GRIK4: variants seen among roughly 807,000 people sequenced by gnomAD.
The protein encoded by GRIK4 is glutamate ionotropic receptor kainate type subunit 4, also known as glutamate receptor ionotropic, kainate 4.
A neutral mutation model predicts 104.9 loss-of-function variants in GRIK4; 40 were observed. The observed-to-expected ratio is 0.38, with a 90% confidence interval of 0.30 to 0.50. GRIK4 has a LOEUF of 0.50. GRIK4 is among the 20% of genes least tolerant of loss of function. The probability of loss-of-function intolerance (pLI) is 0.93; values close to 1 mark genes in which losing one functional copy is unlikely to be tolerated. For synonymous variants in GRIK4, 485 were observed against 524.9 expected, an observed-to-expected ratio of 0.92 and a Z score of 1.04; for missense variants, 1,047 against 1,308.1, an observed-to-expected ratio of 0.80 and a Z score of 3.08.
intron 1 of GRIK4, among the ~76,000 whole-genome samples, chr11:120,560,416 A>G (rs1198760210): frequency 6.6e-6 from 1 of 152,156 alleles, no homozygotes; most frequent in Non-Finnish European, 1.5e-5. Context: ...TGCTGGCCAC[A>G]CAGCAGTGCT....
intron 5 of GRIK4, among the ~76,000 whole-genome samples, chr11:120,815,840 G>A (rs1216109859): frequency 6.6e-6 from 1 of 152,204 alleles, no homozygotes; most frequent in Non-Finnish European, 1.5e-5. Flanking sequence ...TCGTGTCCAC[G>A]TGAGCAGCTC....
At chr11:120,544,434 G>A (rs547914800) in intron 1 of GRIK4, among the ~76,000 whole-genome samples, 13 of 152,202 alleles carry the variant, frequency 8.5e-5, no homozygotes, top group African/African-American at 2.6e-4. Context: ...GGGTTCAAGC[G>A]ATTCTCTAGT....
At chr11:120,634,136 G>A (rs7101638) in intron 1 of GRIK4, among the ~76,000 whole-genome samples, 3,783 of 152,270 alleles carry the variant, frequency 0.025, 158 homozygotes, top group African/African-American at 0.08. Context: ...GATTAAGCAC[G>A]ATAATATATG....
intron 13 of GRIK4, among the ~76,000 whole-genome samples, chr11:120,918,427 TCA>T (rs1226225895): frequency 6.6e-6 from 1 of 152,222 alleles, no homozygotes; most frequent in Non-Finnish European, 1.5e-5. Flanking sequence ...TTCATAGAGT[TCA>T]CACAGTTTTT....
At chr11:120,611,727 TC>T (rs1949040785) in intron 1 of GRIK4, among the ~76,000 whole-genome samples, 1 of 152,110 alleles carries the variant, frequency 6.6e-6, no homozygotes, top group African/African-American at 2.4e-5. Context: ...CTTGTCTCTC[TC>T]CCCCATCTGC....
intron 4 of GRIK4, among the ~76,000 whole-genome samples, chr11:120,810,621 TTTA>T (rs1400861634): frequency 1.3e-5 from 2 of 152,170 alleles, no homozygotes; most frequent in East Asian, 1.9e-4. Flanking sequence ...TAAAAACCTT[TTTA>T]TTAATAAAAA....
At chr11:120,806,248 T>C (rs1952709951) in intron 4 of GRIK4, among the ~76,000 whole-genome samples, 1 of 152,194 alleles carries the variant, frequency 6.6e-6, no homozygotes, top group Non-Finnish European at 1.5e-5. Context: ...GCCCTACTTA[T>C]GTGGCAGCAC....
intron 3 of GRIK4, among the ~76,000 whole-genome samples, chr11:120,717,128 G>A (rs1443093529): frequency 6.6e-6 from 1 of 152,194 alleles, no homozygotes; most frequent in Admixed American, 6.5e-5. Flanking sequence ...CGGAATGCCT[G>A]TAAATGGAGG....
chr11:120,586,625 C>T (rs1948668130), intron 1 of GRIK4, among the ~76,000 whole-genome samples: 2 of 152,192 alleles, frequency 1.3e-5, no homozygotes, highest in African/African-American at 4.8e-5. Flanking sequence ...TGTGTGGACT[C>T]AGCGGTGCTT....
intron 6 of GRIK4, among the ~76,000 whole-genome samples, chr11:120,826,292 G>A (rs1181500826): frequency 2.6e-5 from 4 of 152,064 alleles, no homozygotes; most frequent in African/African-American, 9.7e-5. Flanking sequence ...CTTTCCTACA[G>A]TATGGGACGA....
intron 3 of GRIK4, among the ~76,000 whole-genome samples, chr11:120,800,246 G>T (rs1228477200): frequency 6.6e-6 from 1 of 152,168 alleles, no homozygotes; most frequent in African/African-American, 2.4e-5. Flanking sequence ...GAATTGTGAT[G>T]GTGGGAGCTG....
At chr11:120,661,461 G>T (rs1035278888) in intron 3 of GRIK4, among the ~76,000 whole-genome samples, 4 of 152,222 alleles carry the variant, frequency 2.6e-5, no homozygotes, top group Non-Finnish European at 5.9e-5. Context: ...GGGGGTGGGA[G>T]CAAAGGCAGG....
At chr11:120,879,598 GTTT>G (rs1954908281) in intron 11 of GRIK4, among the ~76,000 whole-genome samples, 1 of 152,154 alleles carries the variant, frequency 6.6e-6, no homozygotes, top group Admixed American at 6.5e-5. Context: ...TTCGGAGAGG[GTTT>G]TCAGTCTTGG....
Position 120,985,909 on chromosome 11 carries a change from C to T in GRIK4, c.2520C>T (p.Ser840=), listed in dbSNP as rs1469767294. 3 of 1,551,744 alleles carry T rather than the reference C, an allele frequency of 1.9e-6. No individual in the cohort carries two copies. The highest frequency in any genetic ancestry group is 2.6e-6 in the Non-Finnish European group (3 of 1,147,702). ...GACCTCGCTGTCTCCTCCAGGTGTC[C>T]GTCTGCCAGGAGATGGTGACCGAGC... is the stretch of plus-strand genomic sequence containing the variant. ...TLRHSEATEV[S]VCQEMVTELR... Residue 840 remains serine (S), a synonymous_variant, in exon 21 of 21, where the codon TCC becomes TCT. Transcript: ENST00000527524.
At chr11:120,685,655 G>C (rs1009997170) in intron 3 of GRIK4, among the ~76,000 whole-genome samples, 1 of 151,924 alleles carries the variant, frequency 6.6e-6, no homozygotes, top group African/African-American at 2.4e-5. Flanking sequence ...TCATTTTTTT[G>C]AAGACCACCA....
At chr11:120,561,458 A>G (rs1948237749) in intron 1 of GRIK4, among the ~76,000 whole-genome samples, 2 of 152,284 alleles carry the variant, frequency 1.3e-5, no homozygotes, top group South Asian at 4.1e-4. Flanking sequence ...GGCGCTGGTG[A>G]CAGGCAGCAC....
intron 3 of GRIK4, among the ~76,000 whole-genome samples, chr11:120,715,085 G>T (rs532137387): frequency 6.6e-6 from 1 of 152,300 alleles, no homozygotes; most frequent in East Asian, 1.9e-4. Context: ...TCATCCGTGG[G>T]ACTGGAGCTC....
chr11:120,588,885 C>T (rs1948701662), intron 1 of GRIK4, among the ~76,000 whole-genome samples: 1 of 152,144 alleles, frequency 6.6e-6, no homozygotes, highest in East Asian at 1.9e-4. Context: ...CAGTTGAGAA[C>T]TGTCGGTATA....
Position 120,524,675 on chromosome 11 carries a change from G to A in GRIK4, c.-159+12788G>A, listed in dbSNP as rs1212453969. The stretch of plus-strand genomic sequence containing the variant: ...AGCGCTAACTTCTGGATCAGGCTGT[G>A]GGCACTGCAGCTGCCATGAGTCAGG... On this transcript the variant is annotated intron_variant, in intron 1 of 20. Coordinates refer to ENST00000527524, the MANE Select transcript of GRIK4 (RefSeq NM_014619.5). This position sits in a 1 kb window ranked among gnomAD's most constrained non-coding sequence, Gnocchi z 4.5. Among the ~76,000 whole-genome samples the A allele has an allele frequency of 6.6e-6, 1 of 152,196 alleles. No homozygotes were observed. The highest frequency in any genetic ancestry group is 1.5e-5 in the Non-Finnish European group (1 of 68,040).
Sources: gnomAD v4.1 joint callset for allele counts (sites outside exome capture counted in the v4.1 genomes callset) on GRCh38, gnomAD v4.1.1 for gene constraint, Gnocchi (gnomAD v3.1) non-coding constraint, MANE v1.5 for transcripts, NCBI Gene and HGNC (gene_info 2026-07-23, HGNC 2026-07-21) for gene names.